ATP6V1H: variants seen among roughly 807,000 people sequenced by gnomAD.
ATP6V1H encodes the protein V-type proton ATPase subunit H.
Under a neutral mutation model 71.7 loss-of-function variants are expected in ATP6V1H, and 39 were observed. The ratio of observed to expected loss-of-function variants is 0.54; its 90% confidence interval spans 0.42 to 0.71. ATP6V1H has a LOEUF of 0.71. Ranked by LOEUF, ATP6V1H falls within the 30% of genes least tolerant of loss-of-function variation. ATP6V1H has a pLI of 0.00. For synonymous variants in ATP6V1H, 192 were observed against 199.3 expected (o/e 0.96, Z 0.31); for missense variants, 509 against 594.9 (o/e 0.86, Z 1.50).
intron 2 of ATP6V1H, among the ~76,000 whole-genome samples, chr8:53,838,218 T>C (rs1314239707): frequency 2.0e-5 from 3 of 151,208 alleles, no homozygotes; most frequent in Non-Finnish European, 4.4e-5. Flanking sequence ...CTCCACCTCC[T>C]AGGTTCAAGC....
At chr8:53,820,981 C>CAAA (rs749738155) in intron 4 of ATP6V1H, among the ~76,000 whole-genome samples, 207 of 54,490 alleles carry the variant, frequency 3.8e-3, no homozygotes, top group African/African-American at 0.014. Flanking sequence ...AACTCTGTCT[C>CAAA]AAAAAAAAAA....
intron 4 of ATP6V1H, among the ~76,000 whole-genome samples, chr8:53,823,215 A>G (rs959596877): frequency 1.3e-5 from 2 of 152,222 alleles, no homozygotes; most frequent in Admixed American, 1.3e-4. Flanking sequence ...GACACCTGGT[A>G]TATTTATAAA....
chr8:53,752,372 T>G (rs1215073137), intron 12 of ATP6V1H, among the ~76,000 whole-genome samples: 1 of 152,116 alleles, frequency 6.6e-6, no homozygotes. Context: ...GTCAACTGAG[T>G]GTCTGATGAA....
intron 13 of ATP6V1H, among the ~76,000 whole-genome samples, chr8:53,731,208 C>T (rs1807008918): frequency 6.6e-6 from 1 of 152,140 alleles, no homozygotes; most frequent in South Asian, 2.1e-4. Flanking sequence ...ACCCTTAACA[C>T]CTCTAGCACT....
rs7005338 is a variant in ATP6V1H at position 53,837,625 on chromosome 8, A to G, written c.113+3953T>C. Among the ~76,000 whole-genome samples the G allele has an allele frequency of 4.7e-3, 723 of 152,234 alleles. 4 individuals carry two copies. Among genetic ancestry groups the G allele is most frequent in the African/African-American group, 0.017 (687 of 41,534 alleles). On this transcript the variant is annotated intron_variant, in intron 2 of 13. Coordinates refer to ENST00000359530, the MANE Select transcript of ATP6V1H (RefSeq NM_015941.4). ...GAGAGACAGATACACAGGTCCAAGG[A>G]GCTGAGGTTTGCTATGTGAGAAAGA...
chr8:53,773,696 T>C (rs1473797834), intron 9 of ATP6V1H, among the ~76,000 whole-genome samples: 1 of 151,984 alleles, frequency 6.6e-6, no homozygotes, highest in African/African-American at 2.4e-5. Context: ...GAGACCCAAA[T>C]CCTATCTGAA....
intron 2 of ATP6V1H, among the ~76,000 whole-genome samples, chr8:53,837,261 A>T (rs945743833): frequency 5.9e-5 from 9 of 152,288 alleles, no homozygotes; most frequent in Admixed American, 4.6e-4. Flanking sequence ...CCAAATACTC[A>T]TCTCCACCAA....
chr8:53,781,979 C>T (rs1291940926), intron 9 of ATP6V1H, among the ~76,000 whole-genome samples: 1 of 152,198 alleles, frequency 6.6e-6, no homozygotes, highest in Non-Finnish European at 1.5e-5. Context: ...TAGCATGATG[C>T]CTCCAGCTTT....
chr8:53,735,759 A>G (rs1327143995), intron 13 of ATP6V1H, among the ~76,000 whole-genome samples: 2 of 152,142 alleles, frequency 1.3e-5, no homozygotes, highest in East Asian at 3.9e-4. Flanking sequence ...AAATCTGGTG[A>G]CTCTGTTTCG....
intron 10 of ATP6V1H, among the ~76,000 whole-genome samples, chr8:53,771,437 CAG>C (rs950648731): frequency 2.0e-5 from 3 of 152,022 alleles, no homozygotes; most frequent in Admixed American, 2.0e-4. Context: ...AGGGGGCAGG[CAG>C]AGAGGGGTTA....
intron 12 of ATP6V1H, among the ~76,000 whole-genome samples, chr8:53,748,748 G>C (rs941008236): frequency 2.6e-5 from 4 of 152,114 alleles, no homozygotes; most frequent in African/African-American, 9.7e-5. Flanking sequence ...GTAGTATTAA[G>C]GGTGTTGCTT....
intron 9 of ATP6V1H, among the ~76,000 whole-genome samples, chr8:53,785,157 C>T (rs568075265): frequency 0.011 from 1,670 of 152,210 alleles, 14 homozygotes; most frequent in African/African-American, 0.023. Flanking sequence ...CCATTCTCCC[C>T]GTCACTTTCA....
chr8:53,772,927 A>C (rs963523655), intron 9 of ATP6V1H, among the ~76,000 whole-genome samples: 2 of 150,490 alleles, frequency 1.3e-5, no homozygotes, highest in African/African-American at 4.9e-5. Context: ...AAAAAACAAA[A>C]CAGTAACAAT....
chr8:53,730,536 G>C (rs1478574514), intron 13 of ATP6V1H, among the ~76,000 whole-genome samples: 1 of 152,106 alleles, frequency 6.6e-6, no homozygotes, highest in Non-Finnish European at 1.5e-5. Flanking sequence ...ATGAGTCTGA[G>C]TACGCACTAT....
At position 53,715,931 on chromosome 8, in the gene ATP6V1H, G is replaced by A. The variant is rs200085326; in HGVS notation, c.*33C>T. On this transcript the variant is annotated 3_prime_UTR_variant, in exon 14 of 14. Transcript: ENST00000359530. The stretch of plus-strand genomic sequence containing the variant: ...ACACAGTGCTCCCACTACTGGTTCT[G>A]CATTGAGGCGGAGGGGAAGGCCAGA... The A allele has an allele frequency of 2.8e-4, 443 of 1,598,146 alleles. No individual in the cohort carries two copies. Among genetic ancestry groups the A allele is most frequent in the Non-Finnish European group, 3.3e-4 (381 of 1,170,736 alleles).
intron 13 of ATP6V1H, among the ~76,000 whole-genome samples, chr8:53,717,044 G>T (rs1197715057): frequency 6.6e-6 from 1 of 152,226 alleles, no homozygotes; most frequent in Non-Finnish European, 1.5e-5. Flanking sequence ...TGGGCTGCAA[G>T]CATCAGGTAC....
chr8:53,774,089 G>A (rs1166412105), intron 9 of ATP6V1H, among the ~76,000 whole-genome samples: 2 of 152,186 alleles, frequency 1.3e-5, no homozygotes, highest in Non-Finnish European at 2.9e-5. Flanking sequence ...AGGAGGAAGA[G>A]AATGGGGCTG....
At chr8:53,730,084 A>G (rs945431668) in intron 13 of ATP6V1H, among the ~76,000 whole-genome samples, 1 of 152,216 alleles carries the variant, frequency 6.6e-6, no homozygotes, top group African/African-American at 2.4e-5. Flanking sequence ...ACAGAGAAGA[A>G]GTGAACAGCC....
At chr8:53,745,697 C>CCACA (rs368836787) in intron 12 of ATP6V1H, among the ~76,000 whole-genome samples, 207 of 150,686 alleles carry the variant, frequency 1.4e-3, no homozygotes, top group African/African-American at 4.8e-3. Context: ...AGGAAAATCA[C>CCACA]CACACACACA....
Sources: gnomAD v4.1 joint callset for allele counts (sites outside exome capture counted in the v4.1 genomes callset) on GRCh38, gnomAD v4.1.1 for gene constraint, MANE v1.5 for transcripts, NCBI Gene and HGNC (gene_info 2026-07-23, HGNC 2026-07-21) for gene names.